CGNL1: variants seen among roughly 807,000 people sequenced by gnomAD.
CGNL1 encodes cingulin like 1, also known as cingulin-like protein 1.
CGNL1 carries 132 observed loss-of-function variants against 141.2 expected under a neutral mutation model. The ratio of observed to expected loss-of-function variants is 0.93; its 90% CI spans 0.81 to 1.08. CGNL1 has a LOEUF of 1.08. Ranked by LOEUF, CGNL1 falls within the 50% of genes least tolerant of loss-of-function variation. The pLI, the probability that CGNL1 is intolerant of heterozygous loss-of-function variation, is 0.00. For missense variants in CGNL1, 1,870 were observed against 1,588.6 expected (o/e 1.18, Z -3.01); for synonymous variants, 690 against 622.1 (o/e 1.11, Z -1.63).
rs112486948 is a variant in CGNL1 at position 57,430,064 on chromosome 15, G to T, written c.-15-7921G>T. On this transcript the variant is annotated intron_variant, in intron 1 of 18. Coordinates refer to ENST00000281282, the MANE Select transcript of CGNL1 (RefSeq NM_032866.5). ...GGGCTCAAGTGACCCACCTGCCTCA[G>T]CCTCCCAAAGTGCTGGGGTGACTGG... Among the ~76,000 whole-genome samples, 12 of 152,334 alleles carry T rather than the reference G, an allele frequency of 7.9e-5. 2 individuals are homozygous for T. Among genetic ancestry groups the T allele is most frequent in the African/African-American group, 2.9e-4 (12 of 41,580 alleles).
At chr15:57,499,355 C>T (rs1387570817) in intron 8 of CGNL1, among the ~76,000 whole-genome samples, 1 of 147,714 alleles carries the variant, frequency 6.8e-6, no homozygotes, top group Non-Finnish European at 1.5e-5. Context: ...AAGTGATTCT[C>T]CTGCCTTGAG....
chr15:57,389,252 G>A (rs2062516644), intron 1 of CGNL1, among the ~76,000 whole-genome samples: 2 of 152,158 alleles, frequency 1.3e-5, no homozygotes, highest in South Asian at 2.1e-4. Context: ...AATGATTCAA[G>A]TTCCACTCCA....
In CGNL1 at chr15:57,474,142, C is replaced by A. The variant is rs2063621152; in HGVS notation, c.2403+12250C>A. Among the ~76,000 whole-genome samples, 4 of 152,008 alleles carry A rather than the reference C, an allele frequency of 2.6e-5. No homozygotes were observed. In the South Asian group the frequency reaches 8.3e-4, roughly 31 times the overall value. ...GCCAGGCTGGTCTCGAACTCTTAAC[C>A]TCAGGTGATTCACCCACCTTGGTCT... On this transcript the variant is annotated intron_variant, in intron 8 of 18. Transcript: ENST00000281282.
chr15:57,465,286 C>G (rs1004945368), intron 8 of CGNL1, among the ~76,000 whole-genome samples: 1 of 151,132 alleles, frequency 6.6e-6, no homozygotes, highest in Non-Finnish European at 1.5e-5. Context: ...ATTTTTAAAT[C>G]TGGTAAATAA....
chr15:57,385,549 G>A (rs1410058741), intron 1 of CGNL1, among the ~76,000 whole-genome samples: 1 of 152,172 alleles, frequency 6.6e-6, no homozygotes, highest in Non-Finnish European at 1.5e-5. Context: ...CACACTGTGG[G>A]GCAAAGAAAG....
At chr15:57,419,975 A>G (rs1258855048) in intron 1 of CGNL1, among the ~76,000 whole-genome samples, 1 of 152,180 alleles carries the variant, frequency 6.6e-6, no homozygotes, top group Non-Finnish European at 1.5e-5. Context: ...GTGTGGATTC[A>G]TGGATATTTA....
At chr15:57,389,149 G>C (rs2062515762) in intron 1 of CGNL1, among the ~76,000 whole-genome samples, 1 of 152,082 alleles carries the variant, frequency 6.6e-6, no homozygotes, top group South Asian at 2.1e-4. Flanking sequence ...TGATGTGTGT[G>C]CTGCTTTCTA....
At chr15:57,417,849 GGGAAAGGGT>G (rs1435423805) in intron 1 of CGNL1, among the ~76,000 whole-genome samples, 1 of 152,144 alleles carries the variant, frequency 6.6e-6, no homozygotes, top group Non-Finnish European at 1.5e-5. Context: ...GAGAGGTGAT[GGGAAAGGGT>G]CTAGGGAGGT....
intron 1 of CGNL1, among the ~76,000 whole-genome samples, chr15:57,431,332 T>A (rs1208731131): frequency 6.6e-6 from 1 of 152,250 alleles, no homozygotes; most frequent in African/African-American, 2.4e-5. Context: ...GTTGACTGTA[T>A]ACAAAGACAC....
rs1427132013 is a variant in CGNL1, at chr15:57,400,511, C to T, written c.-16+23944C>T. Among the ~76,000 whole-genome samples, 8 of 152,250 alleles carry T rather than the reference C, an allele frequency of 5.3e-5. No homozygotes were observed. In the East Asian group the frequency reaches 1.5e-3, roughly 29 times the overall value. On this transcript the variant is annotated intron_variant, in intron 1 of 18. Transcript: ENST00000281282. ...TGTTGCCTAAAAAGAAAATGGTGGG[C>T]TTCACAGCACACACAGCTTTGGATG... is the stretch of plus-strand genomic sequence containing the variant.
intron 8 of CGNL1, among the ~76,000 whole-genome samples, chr15:57,485,679 A>C (rs866421627): frequency 3.3e-5 from 5 of 152,248 alleles, no homozygotes; most frequent in African/African-American, 9.6e-5. Flanking sequence ...AAATGATAGA[A>C]AAAGCTTGCT....
At chr15:57,446,808 T>A (rs75342120) in intron 4 of CGNL1, among the ~76,000 whole-genome samples, 5,612 of 152,198 alleles carry the variant, frequency 0.037, 147 homozygotes, top group Middle Eastern at 0.085. Flanking sequence ...TGAAACAATT[T>A]ACACTCCTGG....
chr15:57,384,182 T>G (rs1482478056), intron 1 of CGNL1, among the ~76,000 whole-genome samples: 1 of 152,106 alleles, frequency 6.6e-6, no homozygotes, highest in Non-Finnish European at 1.5e-5. Context: ...ATGGCATGAC[T>G]GCTTCTCCCT....
intron 8 of CGNL1, among the ~76,000 whole-genome samples, chr15:57,465,670 T>C (rs901947802): frequency 1.3e-5 from 2 of 152,184 alleles, no homozygotes; most frequent in Non-Finnish European, 2.9e-5. Context: ...AGGACATTTC[T>C]TTAAGAAATT....
At position 57,510,007 on chromosome 15, in the gene CGNL1, T is replaced by C. The variant is rs140467020; in HGVS notation, c.2404-6773T>C. Among the ~76,000 whole-genome samples, 512 of 152,342 alleles carry C rather than the reference T, an allele frequency of 3.4e-3. 1 individual carries two copies. Among genetic ancestry groups the C allele is most frequent in the African/African-American group, 0.012 (481 of 41,582 alleles). On this transcript the variant is annotated intron_variant, in intron 8 of 18. Transcript: ENST00000281282. ...CCTTGAAATAAGATGGGTGTCATCT[T>C]CTTTGTGCAGTGTAGTCGCCCTGGA... is the stretch of plus-strand genomic sequence containing the variant.
chr15:57,430,877 T>C (rs1244354265), intron 1 of CGNL1, among the ~76,000 whole-genome samples: 1 of 152,138 alleles, frequency 6.6e-6, no homozygotes, highest in Non-Finnish European at 1.5e-5. Flanking sequence ...ACCGCCACCA[T>C]GGCCGGCTCA....
intron 13 of CGNL1, among the ~76,000 whole-genome samples, chr15:57,529,610 G>T (rs1031577452): frequency 9.2e-6 from 1 of 109,270 alleles, no homozygotes. Flanking sequence ...ACACACACAC[G>T]CCCCAGTAGA....
At chr15:57,507,522 G>A (rs1038391562) in intron 8 of CGNL1, among the ~76,000 whole-genome samples, 2 of 151,912 alleles carry the variant, frequency 1.3e-5, no homozygotes, top group African/African-American at 4.9e-5. Context: ...AGGAAAAACT[G>A]GGTAATTGAA....
At chr15:57,400,592 T>G (rs1190892772) in intron 1 of CGNL1, among the ~76,000 whole-genome samples, 1 of 152,108 alleles carries the variant, frequency 6.6e-6, no homozygotes, top group Non-Finnish European at 1.5e-5. Context: ...GTAAAAACAA[T>G]ACATGTTTGT....
Sources: allele counts gnomAD v4.1 joint callset (sites outside exome capture counted in the v4.1 genomes callset), GRCh38; gene constraint gnomAD v4.1.1; transcripts MANE v1.5; gene names NCBI Gene and HGNC (gene_info 2026-07-23, HGNC 2026-07-21).